PTPRD: variants seen among roughly 807,000 people sequenced by gnomAD.
PTPRD encodes receptor-type tyrosine-protein phosphatase delta.
A neutral mutation model predicts 214.5 loss-of-function variants in PTPRD; 34 were observed. That is an observed-to-expected ratio of 0.16 (90% CI 0.12 to 0.21). The LOEUF (loss-of-function observed/expected upper bound fraction) is 0.21. Among genes scored for constraint, PTPRD ranks in the 10% least tolerant of loss-of-function variants. PTPRD has a pLI of 1.00. For missense variants in PTPRD, 2,545 were observed against 2,398.7 expected, an observed-to-expected ratio of 1.06 and a Z score of -1.27; for synonymous variants, 1,128 against 845.7, an observed-to-expected ratio of 1.33 and a Z score of -5.79.
intron 9 of PTPRD, among the ~76,000 whole-genome samples, chr9:9,330,323 G>T (rs142977910): frequency 0.017 from 2,590 of 152,158 alleles, 75 homozygotes; most frequent in African/African-American, 0.06. Context: ...AAGAACCTCT[G>T]ATTGAAGCTG....
chr9:9,555,800 C>A (rs866148589), intron 8 of PTPRD, among the ~76,000 whole-genome samples: 1 of 151,952 alleles, frequency 6.6e-6, no homozygotes, highest in Non-Finnish European at 1.5e-5. Context: ...TATCTAAATG[C>A]CTTATAAGAG....
intron 30 of PTPRD, among the ~76,000 whole-genome samples, chr9:8,483,902 G>C (rs565169887): frequency 6.6e-6 from 1 of 152,182 alleles, no homozygotes; most frequent in Non-Finnish European, 1.5e-5. Context: ...CTGCAATACA[G>C]ATTAAAAACT....
intron 14 of PTPRD, among the ~76,000 whole-genome samples, chr9:8,599,495 CT>C (rs1167928660): frequency 5.9e-5 from 9 of 151,294 alleles, no homozygotes; most frequent in Non-Finnish European, 1.2e-4. Flanking sequence ...TTTTTTGATA[CT>C]TTTTTTTCTT....
At chr9:9,530,173 A>G (rs2075133122) in intron 8 of PTPRD, among the ~76,000 whole-genome samples, 1 of 152,188 alleles carries the variant, frequency 6.6e-6, no homozygotes, top group South Asian at 2.1e-4. Context: ...GCTAAATGAA[A>G]TAGTGACTAA....
intron 2 of PTPRD, among the ~76,000 whole-genome samples, chr9:10,365,671 T>G (rs2097502017): frequency 6.6e-6 from 1 of 152,094 alleles, no homozygotes; most frequent in Non-Finnish European, 1.5e-5. Flanking sequence ...CAGTCAACAT[T>G]TACTGAATAA....
intron 3 of PTPRD, among the ~76,000 whole-genome samples, chr9:10,278,989 TGATCTC>T (rs2094920045): frequency 6.6e-6 from 1 of 152,132 alleles, no homozygotes; most frequent in Non-Finnish European, 1.5e-5. Context: ...TTAGCCAGGA[TGATCTC>T]GATCTCCTGG....
chr9:10,505,200 C>A (rs115365985), intron 2 of PTPRD, among the ~76,000 whole-genome samples: 3 of 152,118 alleles, frequency 2.0e-5, no homozygotes, highest in Non-Finnish European at 4.4e-5. Context: ...TTAAGGTAGT[C>A]TAATTCAAAT....
chr9:9,021,187 T>A (rs1034578172), intron 10 of PTPRD, among the ~76,000 whole-genome samples: 1 of 152,108 alleles, frequency 6.6e-6, no homozygotes, highest in Non-Finnish European at 1.5e-5. Flanking sequence ...AAAATCAAAT[T>A]AGAAATGAAG....
intron 3 of PTPRD, among the ~76,000 whole-genome samples, chr9:10,046,355 A>T (rs1173183462): frequency 6.6e-6 from 1 of 151,982 alleles, no homozygotes; most frequent in East Asian, 1.9e-4. Flanking sequence ...CTTATAGTTC[A>T]CTGAGGAATT....
chr9:8,586,936 G>A (rs991529666), intron 14 of PTPRD, among the ~76,000 whole-genome samples: 7 of 152,082 alleles, frequency 4.6e-5, no homozygotes, highest in African/African-American at 9.7e-5. Flanking sequence ...CCATGAGGTC[G>A]GAAGATTGAG....
chr9:9,986,278 A>C (rs892086946), intron 4 of PTPRD, among the ~76,000 whole-genome samples: 1 of 152,162 alleles, frequency 6.6e-6, no homozygotes, highest in Non-Finnish European at 1.5e-5. Flanking sequence ...CAATAGTAAA[A>C]GGTGTAAACA....
chr9:9,907,072 T>C (rs1448216300), intron 5 of PTPRD, among the ~76,000 whole-genome samples: 1 of 151,874 alleles, frequency 6.6e-6, no homozygotes, highest in Non-Finnish European at 1.5e-5. Context: ...CACCAAATCC[T>C]TATATGGTCA....
intron 11 of PTPRD, among the ~76,000 whole-genome samples, chr9:8,888,497 A>C (rs1482640203): frequency 1.3e-5 from 2 of 152,226 alleles, no homozygotes; most frequent in African/African-American, 4.8e-5. Flanking sequence ...ATTTTAGACA[A>C]AGAAAACAAA....
chr9:10,148,041 G>A (rs1211468334), intron 3 of PTPRD, among the ~76,000 whole-genome samples: 1 of 152,228 alleles, frequency 6.6e-6, no homozygotes, highest in South Asian at 2.1e-4. Flanking sequence ...AGAGAAATAC[G>A]ACTTTCTAAA....
chr9:9,288,532 T>A (rs1950200978), intron 9 of PTPRD, among the ~76,000 whole-genome samples: 2 of 151,826 alleles, frequency 1.3e-5, no homozygotes, highest in Non-Finnish European at 2.9e-5. Context: ...CCTGAAAAAA[T>A]ATTTAAAAAC....
chr9:9,392,151 A>T (rs1345391355), intron 9 of PTPRD, among the ~76,000 whole-genome samples: 1 of 152,202 alleles, frequency 6.6e-6, no homozygotes, highest in Non-Finnish European at 1.5e-5. Context: ...TTGCTGGACA[A>T]CTGAGACTCC....
intron 10 of PTPRD, among the ~76,000 whole-genome samples, chr9:9,106,108 C>T (rs1020198367): frequency 2.0e-5 from 3 of 152,090 alleles, no homozygotes; most frequent in South Asian, 4.1e-4. Context: ...ATAGCAAGAG[C>T]TTCGTAGGAA....
intron 9 of PTPRD, among the ~76,000 whole-genome samples, chr9:9,328,618 C>CTGTTTTTTTTTTTT (rs2041038801): frequency 3.5e-5 from 1 of 28,214 alleles, no homozygotes; most frequent in African/African-American, 1.3e-4. Context: ...GTTGTTCTTG[C>CTGTTTTTTTTTTTT]TTTTTTTTTT....
rs936671971 is a variant in PTPRD, at chr9:9,781,861, C to T, written c.-367-15010G>A. Among the ~76,000 whole-genome samples, 8 of 150,974 alleles carry T rather than the reference C, an allele frequency of 5.3e-5. No homozygotes were observed. In the South Asian group the frequency reaches 6.3e-4, roughly 12 times the overall value. ...AGGCTGGAGTGCAGTGGCGCAATCT[C>T]GGCTCGCTGCAAGCTCCGCCTCCCG... On this transcript the variant is annotated intron_variant, in intron 5 of 45. Coordinates refer to ENST00000381196, the MANE Select transcript of PTPRD (RefSeq NM_002839.4).
Sources: allele counts gnomAD v4.1 joint callset (sites outside exome capture counted in the v4.1 genomes callset), GRCh38; gene constraint gnomAD v4.1.1; transcripts MANE v1.5; gene names NCBI Gene and HGNC (gene_info 2026-07-23, HGNC 2026-07-21).